MYRIP: variants seen among roughly 807,000 people sequenced by gnomAD.
MYRIP encodes the protein rab effector MyRIP.
Under a neutral mutation model 98.0 loss-of-function variants are expected in MYRIP, and 49 were observed. The ratio of observed to expected loss-of-function variants is 0.50; its 90% CI spans 0.40 to 0.63. MYRIP has a LOEUF of 0.63. Among genes scored for constraint, MYRIP ranks in the 30% least tolerant of loss-of-function variants. The pLI is 0.00. For synonymous variants in MYRIP, 404 were observed against 409.5 expected (o/e 0.99, Z 0.16); for missense variants, 1,004 against 1,058.2 (o/e 0.95, Z 0.71).
At chr3:40,082,902 G>A (rs538685924) in intron 3 of MYRIP, among the ~76,000 whole-genome samples, 7 of 152,228 alleles carry the variant, frequency 4.6e-5, no homozygotes, top group Admixed American at 4.6e-4. Flanking sequence ...GATAAAATCA[G>A]GTGAAAATCA....
At chr3:40,147,273 C>T (rs750617279) in intron 3 of MYRIP, among the ~76,000 whole-genome samples, 39 of 152,090 alleles carry the variant, frequency 2.6e-4, no homozygotes, top group Non-Finnish European at 3.8e-4. Context: ...ATATACCTTA[C>T]ACAGTCTGTC....
chr3:39,874,748 T>G (rs938120365), intron 1 of MYRIP, among the ~76,000 whole-genome samples: 1 of 152,218 alleles, frequency 6.6e-6, no homozygotes, highest in Non-Finnish European at 1.5e-5. Flanking sequence ...TTTACCAGTA[T>G]TTTATTGAGG....
At chr3:40,150,967 G>C (rs902363884) in intron 3 of MYRIP, 81 bp from the exon 4 acceptor site, 1 of 1,290,142 alleles carries the variant, frequency 7.8e-7, no homozygotes, top group African/African-American at 1.5e-5. Flanking sequence ...TTGATGGATG[G>C]AGCTGTGAAG....
intron 2 of MYRIP, among the ~76,000 whole-genome samples, chr3:39,927,836 C>T (rs772611219): frequency 2.6e-5 from 4 of 151,926 alleles, no homozygotes; most frequent in Non-Finnish European, 4.4e-5. Flanking sequence ...TTTAATTTAC[C>T]ACAATCAGGT....
At chr3:40,128,434 G>C (rs1949566250) in intron 3 of MYRIP, among the ~76,000 whole-genome samples, 1 of 152,184 alleles carries the variant, frequency 6.6e-6, no homozygotes, top group Non-Finnish European at 1.5e-5. Context: ...CTTCCAAACA[G>C]CATGTAGTTT....
intron 3 of MYRIP, among the ~76,000 whole-genome samples, chr3:40,129,615 C>T (rs1949598655): frequency 6.6e-6 from 1 of 151,950 alleles, no homozygotes; most frequent in Non-Finnish European, 1.5e-5. Flanking sequence ...TAGGCCATGC[C>T]CACGCTGCTA....
At chr3:40,161,302 T>C (rs1950389729) in intron 4 of MYRIP, among the ~76,000 whole-genome samples, 1 of 152,176 alleles carries the variant, frequency 6.6e-6, no homozygotes, top group African/African-American at 2.4e-5. Context: ...AAGAGAGGTG[T>C]TGTACTAGAA....
chr3:40,122,535 C>A (rs1250902738), intron 3 of MYRIP, among the ~76,000 whole-genome samples: 1 of 151,544 alleles, frequency 6.6e-6, no homozygotes, highest in Non-Finnish European at 1.5e-5. Flanking sequence ...CTTTTTTCTA[C>A]ACATTTTTTT....
intron 4 of MYRIP, among the ~76,000 whole-genome samples, chr3:40,158,800 C>T (rs891987138): frequency 6.2e-5 from 9 of 146,084 alleles, no homozygotes; most frequent in Non-Finnish European, 1.3e-4. Context: ...TATGTTTTAT[C>T]AGAGACTAGC....
chr3:39,874,612 T>C (rs1481634061), intron 1 of MYRIP, among the ~76,000 whole-genome samples: 1 of 152,216 alleles, frequency 6.6e-6, no homozygotes, highest in Non-Finnish European at 1.5e-5. Context: ...GCGGTTTTTG[T>C]CTTTGGTTCT....
chr3:39,903,678 T>A (rs1375124756), intron 2 of MYRIP, among the ~76,000 whole-genome samples: 1 of 152,184 alleles, frequency 6.6e-6, no homozygotes, highest in Non-Finnish European at 1.5e-5. Context: ...CTGCACAATT[T>A]ATCTTATTGA....
At chr3:40,133,545 A>G (rs1949692755) in intron 3 of MYRIP, among the ~76,000 whole-genome samples, 1 of 152,202 alleles carries the variant, frequency 6.6e-6, no homozygotes, top group Admixed American at 6.5e-5. Context: ...ATGAGGCTTT[A>G]TAAAGAAGAA....
At chr3:39,964,367 A>G (rs371675828) in intron 2 of MYRIP, among the ~76,000 whole-genome samples, 28 of 152,286 alleles carry the variant, frequency 1.8e-4, no homozygotes, top group African/African-American at 6.5e-4. Context: ...ATGTTGTGCA[A>G]TGGACCACTG....
At chr3:40,108,620 G>A (rs1009098930) in intron 3 of MYRIP, among the ~76,000 whole-genome samples, 6 of 152,044 alleles carry the variant, frequency 3.9e-5, no homozygotes, top group Non-Finnish European at 5.9e-5. Context: ...ACAATGAGGA[G>A]GTTAAACACC....
At chr3:40,225,854 G>A (rs1952473234) in intron 11 of MYRIP, among the ~76,000 whole-genome samples, 1 of 152,134 alleles carries the variant, frequency 6.6e-6, no homozygotes. Context: ...AACTTGAACT[G>A]CTAAAAGGTC....
intron 2 of MYRIP, among the ~76,000 whole-genome samples, chr3:40,038,876 G>A (rs186557342): frequency 6.6e-6 from 1 of 152,166 alleles, no homozygotes; most frequent in African/African-American, 2.4e-5. Flanking sequence ...TTACCAGTTA[G>A]GTCGCAGCTT....
intron 3 of MYRIP, among the ~76,000 whole-genome samples, chr3:40,145,821 T>C (rs1018371649): frequency 1.3e-5 from 2 of 152,204 alleles, no homozygotes; most frequent in African/African-American, 4.8e-5. Flanking sequence ...GCTGTGTCCA[T>C]ACTATGGAGA....
chr3:40,218,609 A>ATATATTT (rs1434916839), intron 11 of MYRIP, among the ~76,000 whole-genome samples: 2 of 127,426 alleles, frequency 1.6e-5, no homozygotes, highest in Non-Finnish European at 3.1e-5. Flanking sequence ...ATATATATAT[A>ATATATTT]TTTTATATAT....
At chr3:40,248,804 AAAGAATGCAGTTCTTAATGTG>A (rs1392801729) in intron 13 of MYRIP, among the ~76,000 whole-genome samples, 1 of 152,208 alleles carries the variant, frequency 6.6e-6, no homozygotes, top group Non-Finnish European at 1.5e-5. Context: ...TCATAAACCA[AAAGAATGCAGTTCTTAATGTG>A]AAATTTGAAG....
Sources: gnomAD v4.1 joint callset for allele counts (sites outside exome capture counted in the v4.1 genomes callset) on GRCh38, gnomAD v4.1.1 for gene constraint, MANE v1.5 for transcripts, NCBI Gene and HGNC (gene_info 2026-07-23, HGNC 2026-07-21) for gene names.